Variants in CCDC158 observed in about 807,000 individuals in gnomAD.
CCDC158 encodes coiled-coil domain-containing protein 158.
CCDC158 carries 116 observed loss-of-function variants against 138.6 expected under a neutral mutation model. The ratio of observed to expected loss-of-function variants is 0.84; its 90% CI spans 0.72 to 0.98. The LOEUF (loss-of-function observed/expected upper bound fraction) is 0.98, where lower values mean the gene tolerates loss of function less well. Ranked by LOEUF, CCDC158 falls within the 50% of genes least tolerant of loss-of-function variation. The pLI is 0.00. For missense variants in CCDC158, 1,265 were observed against 1,306.1 expected (o/e 0.97, Z 0.48); for synonymous variants, 436 against 442.4 (o/e 0.99, Z 0.18).
chr4:76,395,660 A>G (rs1727716387), intron 4 of CCDC158, among the ~76,000 whole-genome samples: 1 of 152,020 alleles, frequency 6.6e-6, no homozygotes, highest in South Asian at 2.1e-4. Flanking sequence ...CAGAATAGGT[A>G]CCAATGGAGA....
At chr4:76,370,810 C>T (rs996867309) in intron 10 of CCDC158, among the ~76,000 whole-genome samples, 1 of 152,174 alleles carries the variant, frequency 6.6e-6, no homozygotes, top group Non-Finnish European at 1.5e-5. Context: ...TCAGTTCTAT[C>T]CTTACCTCAG....
chr4:76,357,882 A>T lies in CCDC158; in HGVS notation c.2021-356T>A, dbSNP rs1723733655. ...CTGCTGGTAGATGAATCTCCATGACACTATAAGTAACCTGAGGCTGCCATC... is the reference window on the plus strand; with the variant it reads ...CTGCTGGTAGATGAATCTCCATGACTCTATAAGTAACCTGAGGCTGCCATC... On this transcript the variant is annotated intron_variant, in intron 13 of 24. Coordinates refer to ENST00000682701, the MANE Select transcript of CCDC158 (RefSeq NM_001394954.1). Among the ~76,000 whole-genome samples, 3 of 152,186 alleles carry T rather than the reference A, an allele frequency of 2.0e-5. No homozygotes were observed. The East Asian group carries it at 5.8e-4, about 29-fold the overall frequency.
chr4:76,373,081 T>A (rs1579008274), intron 9 of CCDC158, among the ~76,000 whole-genome samples: 6 of 152,288 alleles, frequency 3.9e-5, no homozygotes, highest in African/African-American at 1.4e-4. Context: ...ACTCCTGGCC[T>A]CAGGTGATCC....
intron 11 of CCDC158, 111 bp downstream of exon 11, chr4:76,369,315 A>G: frequency 1.1e-6 from 1 of 874,204 alleles, no homozygotes; most frequent in Non-Finnish European, 1.6e-6. Context: ...TTATTTTAGG[A>G]GCCATTTTAG....
chr4:76,405,301 CA>C (rs763939544), intron 2 of CCDC158, among the ~76,000 whole-genome samples: 4 of 152,138 alleles, frequency 2.6e-5, no homozygotes, highest in African/African-American at 4.8e-5. Flanking sequence ...AGATGTCCCT[CA>C]AAAGGTTTGA....
chr4:76,357,573 C>G, intron 13 of CCDC158, 47 bp from the exon 14 acceptor site: 1 of 1,167,808 alleles, frequency 8.6e-7, no homozygotes, highest in Non-Finnish European at 1.1e-6. Context: ...TTTTCTATCC[C>G]ATTGTTAATT....
chr4:76,353,320 T>C (rs1256334085), intron 15 of CCDC158, 39 bp from the exon 16 acceptor site: 16 of 1,467,562 alleles, frequency 1.1e-5, no homozygotes, highest in Non-Finnish European at 1.5e-5. Context: ...AAATAACCTG[T>C]TGATGTAGAT....
chr4:76,386,948 A>G (rs1357062463), intron 4 of CCDC158, among the ~76,000 whole-genome samples: 2 of 152,216 alleles, frequency 1.3e-5, no homozygotes, highest in African/African-American at 2.4e-5. Context: ...TCACCACCAC[A>G]TGCTGAAATG....
intron 2 of CCDC158, among the ~76,000 whole-genome samples, chr4:76,410,253 T>C (rs181078409): frequency 0.029 from 4,432 of 152,182 alleles, 212 homozygotes; most frequent in African/African-American, 0.1. Flanking sequence ...GGCACAATCT[T>C]GGCTCACTGC....
intron 18 of CCDC158, among the ~76,000 whole-genome samples, chr4:76,342,838 T>C (rs1164047678): frequency 1.3e-5 from 2 of 152,214 alleles, no homozygotes; most frequent in Non-Finnish European, 2.9e-5. Flanking sequence ...CAAGCTACCA[T>C]GCCTCTGAGT....
chr4:76,351,987 C>G, intron 16 of CCDC158, 175 bp from the exon 17 acceptor site: 1 of 532,108 alleles, frequency 1.9e-6, no homozygotes, highest in Non-Finnish European at 3.3e-6. Context: ...CAACTGGAGG[C>G]CATGTTTTTA....
intron 2 of CCDC158, among the ~76,000 whole-genome samples, chr4:76,409,992 A>AT (rs1422803678): frequency 6.6e-6 from 1 of 151,678 alleles, no homozygotes; most frequent in Non-Finnish European, 1.5e-5. Flanking sequence ...AGGCTTTGTT[A>AT]TATAGCTGAG....
chr4:76,397,732 G>T (rs763714604), intron 3 of CCDC158, among the ~76,000 whole-genome samples: 16 of 152,322 alleles, frequency 1.1e-4, no homozygotes, highest in South Asian at 2.1e-4. Flanking sequence ...ATTTGAATTT[G>T]AGTTATCAGT....
At chr4:76,368,854 T>C (rs1466710276) in intron 11 of CCDC158, among the ~76,000 whole-genome samples, 1 of 152,148 alleles carries the variant, frequency 6.6e-6, no homozygotes, top group African/African-American at 2.4e-5. Context: ...GAAAAGGCAA[T>C]GGGATAAGAG....
rs1726541843 is a variant in CCDC158, at chr4:76,384,100, C to T, written c.714G>A (p.Gly238=). The part of the protein sequence containing the change: ...ELDTEISYLK[G]RIFPVEDQLE... Reference sequence around the variant, plus strand: ...TCTCACCACTTACTGGAAATATCCTCCCTTTAAGATAAGAAATCTCTGTGT... The same window carrying T: ...TCTCACCACTTACTGGAAATATCCTTCCTTTAAGATAAGAAATCTCTGTGT... The change falls in exon 6 of 25, where the codon GGG becomes GGA. Residue 238 remains glycine, a synonymous_variant. Transcript: ENST00000682701. The T allele has an allele frequency of 1.9e-6, 3 of 1,601,072 alleles. No homozygotes were observed. Among genetic ancestry groups the T allele is most frequent in the Admixed American group, 3.3e-5 (2 of 59,762 alleles).
intron 18 of CCDC158, among the ~76,000 whole-genome samples, chr4:76,335,472 G>A (rs1721394617): frequency 6.6e-6 from 1 of 152,112 alleles, no homozygotes; most frequent in African/African-American, 2.4e-5. Flanking sequence ...TATTATAAGT[G>A]AGCAATGTAA....
chr4:76,416,390 A>G (rs889157818), intron 1 of CCDC158, among the ~76,000 whole-genome samples: 3 of 151,312 alleles, frequency 2.0e-5, no homozygotes, highest in Admixed American at 1.3e-4. Context: ...TTATTTCTAC[A>G]CTCTCTCATC....
chr4:76,333,127 A>G (rs1249690659), intron 19 of CCDC158, among the ~76,000 whole-genome samples: 1 of 152,222 alleles, frequency 6.6e-6, no homozygotes, highest in Non-Finnish European at 1.5e-5. Context: ...TGCTAAGGTA[A>G]CTGGACTGTT....
chr4:76,333,087 A>T (rs1273543682), intron 19 of CCDC158, among the ~76,000 whole-genome samples: 1 of 152,184 alleles, frequency 6.6e-6, no homozygotes, highest in Non-Finnish European at 1.5e-5. Context: ...GACAGTTCTG[A>T]CATTATGTGC....
Sources: allele counts gnomAD v4.1 joint callset (sites outside exome capture counted in the v4.1 genomes callset), GRCh38; gene constraint gnomAD v4.1.1; transcripts MANE v1.5; gene names NCBI Gene and HGNC (gene_info 2026-07-23, HGNC 2026-07-21).